The following SAMD12 variants were observed in gnomAD, a reference collection of about 807,000 sequenced individuals.
SAMD12 encodes the protein sterile alpha motif domain-containing protein 12.
SAMD12 carries 9 observed loss-of-function variants against 15.0 expected under a neutral mutation model. That is an observed-to-expected ratio of 0.60 (90% CI 0.36 to 1.05). SAMD12 has a LOEUF of 1.05. Ranked by LOEUF, SAMD12 falls within the 50% of genes least tolerant of loss-of-function variation. The pLI, the probability that SAMD12 is intolerant of heterozygous loss-of-function variation, is 0.01. For synonymous variants in SAMD12, 86 were observed against 90.1 expected (o/e 0.96, Z 0.25); for missense variants, 230 against 234.2 (o/e 0.98, Z 0.12).
chr8:118,317,329 T>C (rs1376045167), intron 4 of SAMD12, among the ~76,000 whole-genome samples: 1 of 152,204 alleles, frequency 6.6e-6, no homozygotes, highest in Non-Finnish European at 1.5e-5. Flanking sequence ...CATAAATATG[T>C]TCACCCAAAG....
chr8:118,266,378 C>T (rs1014864906), intron 4 of SAMD12, among the ~76,000 whole-genome samples: 4 of 152,136 alleles, frequency 2.6e-5, no homozygotes, highest in African/African-American at 9.6e-5. Context: ...AAAACCCTTG[C>T]ACACTGTTGG....
chr8:118,582,734 TCA>T (rs758127407), intron 1 of SAMD12, among the ~76,000 whole-genome samples: 3 of 152,156 alleles, frequency 2.0e-5, no homozygotes, highest in Non-Finnish European at 4.4e-5. Context: ...TACAGAAAAG[TCA>T]CAAAAATCAT....
chr8:118,546,374 C>G (rs967914853), intron 2 of SAMD12, among the ~76,000 whole-genome samples: 4 of 152,008 alleles, frequency 2.6e-5, no homozygotes, highest in Admixed American at 2.6e-4. Context: ...CTGAATCCAA[C>G]ATTTTTTCCT....
At chr8:118,418,331 T>C (rs1586695643) in intron 3 of SAMD12, among the ~76,000 whole-genome samples, 1 of 152,148 alleles carries the variant, frequency 6.6e-6, no homozygotes, top group Non-Finnish European at 1.5e-5. Flanking sequence ...TTCCCTAGCC[T>C]TTCTTTTTAA....
intron 2 of SAMD12, among the ~76,000 whole-genome samples, chr8:118,459,135 G>A (rs113109909): frequency 2.6e-5 from 4 of 151,966 alleles, no homozygotes; most frequent in African/African-American, 9.7e-5. Context: ...GCATGATCTT[G>A]GCTCACTACA....
intron 2 of SAMD12, among the ~76,000 whole-genome samples, chr8:118,486,053 T>C (rs1349385507): frequency 2.0e-5 from 3 of 152,198 alleles, no homozygotes; most frequent in Non-Finnish European, 2.9e-5. Flanking sequence ...GGAACTTTGC[T>C]GGCATGATTA....
intron 2 of SAMD12, among the ~76,000 whole-genome samples, chr8:118,566,980 T>G (rs915355896): frequency 3.9e-5 from 6 of 152,168 alleles, no homozygotes; most frequent in Admixed American, 1.3e-4. Flanking sequence ...ATATACATGT[T>G]TTTTCCAAAC....
At chr8:118,360,605 G>A (rs1198752857) in intron 4 of SAMD12, among the ~76,000 whole-genome samples, 1 of 152,092 alleles carries the variant, frequency 6.6e-6, no homozygotes, top group Non-Finnish European at 1.5e-5. Context: ...TTATAGGAAG[G>A]AAAATGGTAA....
intron 2 of SAMD12, among the ~76,000 whole-genome samples, chr8:118,540,714 C>T (rs1168549042): frequency 6.6e-6 from 1 of 151,612 alleles, no homozygotes; most frequent in Non-Finnish European, 1.5e-5. Flanking sequence ...AAAAAAATGC[C>T]ACATATGTTC....
chr8:118,205,679 C>T (rs1388056251), intron 4 of SAMD12, among the ~76,000 whole-genome samples: 1 of 152,168 alleles, frequency 6.6e-6, no homozygotes, highest in Non-Finnish European at 1.5e-5. Context: ...TCCACCCCCA[C>T]CCTCTCACCC....
chr8:118,370,128 A>G (rs1819006649), intron 4 of SAMD12, among the ~76,000 whole-genome samples: 1 of 152,218 alleles, frequency 6.6e-6, no homozygotes, highest in South Asian at 2.1e-4. Context: ...GGCAAAGGAC[A>G]TGAACAGACA....
chr8:118,246,469 C>A (rs1554616924), intron 4 of SAMD12, among the ~76,000 whole-genome samples: 1 of 152,078 alleles, frequency 6.6e-6, no homozygotes, highest in Non-Finnish European at 1.5e-5. Flanking sequence ...CTAAGTTAGC[C>A]AGGAAGACAG....
chr8:118,285,558 A>G (rs1317982333), intron 4 of SAMD12, among the ~76,000 whole-genome samples: 1 of 152,208 alleles, frequency 6.6e-6, no homozygotes, highest in Non-Finnish European at 1.5e-5. Context: ...ATGAACGCCC[A>G]CTATTGTGCA....
At chr8:118,454,989 A>G (rs1344195944) in intron 2 of SAMD12, among the ~76,000 whole-genome samples, 3 of 152,162 alleles carry the variant, frequency 2.0e-5, no homozygotes, top group African/African-American at 7.2e-5. Flanking sequence ...GAGGATGAAT[A>G]ACATTGCCTG....
At chr8:118,402,385 G>A (rs1279436984) in intron 3 of SAMD12, among the ~76,000 whole-genome samples, 4 of 152,172 alleles carry the variant, frequency 2.6e-5, no homozygotes, top group Non-Finnish European at 4.4e-5. Flanking sequence ...AGAGAAATAC[G>A]TAAGATGCAA....
intron 3 of SAMD12, among the ~76,000 whole-genome samples, chr8:118,422,559 G>A (rs1490665379): frequency 6.6e-6 from 1 of 152,182 alleles, no homozygotes; most frequent in Non-Finnish European, 1.5e-5. Context: ...TGTTGTAATG[G>A]TTAAAATGAA....
intron 4 of SAMD12, among the ~76,000 whole-genome samples, chr8:118,308,320 T>A (rs529774527): frequency 2.0e-5 from 3 of 152,290 alleles, no homozygotes; most frequent in African/African-American, 7.2e-5. Flanking sequence ...ATGGTGATGA[T>A]GACGATGGCA....
chr8:118,585,284 G>C (rs565931528), intron 1 of SAMD12, among the ~76,000 whole-genome samples: 2 of 152,296 alleles, frequency 1.3e-5, no homozygotes, highest in African/African-American at 4.8e-5. Flanking sequence ...CATGGGCTGT[G>C]GGAGAGAAAA....
At chr8:118,188,664 C>T (rs1195092606), downstream of SAMD12, among the ~76,000 whole-genome samples, 1 of 152,062 alleles carries the variant, frequency 6.6e-6, no homozygotes. Flanking sequence ...GTCAGAGTGT[C>T]TATAAGTACT....
Sources: allele counts gnomAD v4.1 joint callset (sites outside exome capture counted in the v4.1 genomes callset), GRCh38; gene constraint gnomAD v4.1.1; transcripts MANE v1.5; gene names NCBI Gene and HGNC (gene_info 2026-07-23, HGNC 2026-07-21).